The following CAST variants were observed in gnomAD, a reference collection of about 807,000 sequenced individuals.
CAST encodes the protein MIR583 host.
CAST carries 76 observed loss-of-function variants against 119.6 expected under a neutral mutation model. The observed-to-expected ratio is 0.64, with a 90% CI of 0.53 to 0.77. The LOEUF (loss-of-function observed/expected upper bound fraction) is 0.77. Among genes scored for constraint, CAST ranks in the 30% least tolerant of loss-of-function variants. The pLI is 0.00. For missense variants in CAST, 953 were observed against 946.5 expected, an observed-to-expected ratio of 1.01 and a Z score of -0.09; for synonymous variants, 319 against 331.6, an observed-to-expected ratio of 0.96 and a Z score of 0.41.
chr5:96,189,351 T>C, the CAST span, among the ~76,000 whole-genome samples: 1 of 152,222 alleles, frequency 6.6e-6, no homozygotes, highest in East Asian at 1.9e-4. Flanking sequence ...ATTTGATTGC[T>C]ATTTGGCTGG....
chr5:96,674,962 A>G (rs1750527513), intron 1 of CAST, among the ~76,000 whole-genome samples: 1 of 152,236 alleles, frequency 6.6e-6, no homozygotes, highest in African/African-American at 2.4e-5. Context: ...AAATAAAATA[A>G]CACTTTTAAA....
At chr5:96,537,859 TG>T (rs970515757) in intron 1 of CAST, among the ~76,000 whole-genome samples, 1 of 152,294 alleles carries the variant, frequency 6.6e-6, no homozygotes, top group African/African-American at 2.4e-5. Context: ...CTAATGTTTT[TG>T]AGGGGGGGAG....
chr5:96,300,479 C>T, the CAST span, among the ~76,000 whole-genome samples: 1 of 152,044 alleles, frequency 6.6e-6, no homozygotes, highest in African/African-American at 2.4e-5. Context: ...TATGCCGATA[C>T]CATGCTGTTT....
intron 1 of CAST, among the ~76,000 whole-genome samples, chr5:96,643,824 G>T (rs1434192216): frequency 6.6e-6 from 1 of 152,176 alleles, no homozygotes; most frequent in African/African-American, 2.4e-5. Context: ...AGTGAGCCCA[G>T]ATCATGACAC....
chr5:96,046,336 G>A, the CAST span, among the ~76,000 whole-genome samples: 1 of 152,102 alleles, frequency 6.6e-6, no homozygotes, highest in Non-Finnish European at 1.5e-5. Flanking sequence ...GAGAGATCTA[G>A]CACCAACCTA....
the CAST span, among the ~76,000 whole-genome samples, chr5:96,313,491 A>T: frequency 6.6e-6 from 1 of 152,180 alleles, no homozygotes; most frequent in Non-Finnish European, 1.5e-5. Flanking sequence ...AGATTCATCC[A>T]TGCTGTTGTG....
chr5:96,405,099 G>C, the CAST span, among the ~76,000 whole-genome samples: 3 of 152,156 alleles, frequency 2.0e-5, no homozygotes, highest in Non-Finnish European at 4.4e-5. Context: ...CAATTGAATA[G>C]AGTTCAGAAA....
At chr5:96,613,447 C>T (rs1242047099) in intron 1 of CAST, among the ~76,000 whole-genome samples, 1 of 152,066 alleles carries the variant, frequency 6.6e-6, no homozygotes, top group Non-Finnish European at 1.5e-5. Flanking sequence ...TTTGTGCTAT[C>T]TGTATTTTCT....
chr5:96,175,799 T>C, the CAST span, among the ~76,000 whole-genome samples: 1 of 152,228 alleles, frequency 6.6e-6, no homozygotes, highest in Non-Finnish European at 1.5e-5. Context: ...TATGTGTTAG[T>C]TTGCTCAAAC....
the CAST span, among the ~76,000 whole-genome samples, chr5:96,270,621 C>A: frequency 6.6e-6 from 1 of 152,136 alleles, no homozygotes; most frequent in South Asian, 2.1e-4. Flanking sequence ...AAACCAAACA[C>A]CACATGTTCT....
At chr5:96,188,939 T>C in the CAST span, among the ~76,000 whole-genome samples, 2 of 152,236 alleles carry the variant, frequency 1.3e-5, no homozygotes, top group Admixed American at 6.5e-5. Context: ...ACTTATGTTT[T>C]TGTACACTAA....
At chr5:96,525,313 G>A (rs949980062), upstream of CAST, 3 of 152,106 alleles carry the variant, frequency 2.0e-5, no homozygotes, top group African/African-American at 7.2e-5. Context: ...CTCTCCATTG[G>A]CTCTCATGAT....
intron 1 of CAST, among the ~76,000 whole-genome samples, chr5:96,651,014 G>A (rs1478770219): frequency 6.6e-6 from 1 of 152,060 alleles, no homozygotes; most frequent in African/African-American, 2.4e-5. Flanking sequence ...AATTGAAGTT[G>A]GATAATAGTG....
upstream of CAST, among the ~76,000 whole-genome samples, chr5:96,523,148 T>C (rs1253046337): frequency 1.3e-5 from 2 of 152,226 alleles, no homozygotes; most frequent in Admixed American, 6.5e-5. Context: ...CTCAGCCTCC[T>C]GTTGCCTTGA....
At chr5:96,633,989 G>C (rs1237605484) in intron 1 of CAST, among the ~76,000 whole-genome samples, 1 of 152,118 alleles carries the variant, frequency 6.6e-6, no homozygotes. Flanking sequence ...TCCCAAAACT[G>C]TTTTGCAAAT....
At chr5:96,676,954 T>C (rs76665447) in intron 2 of CAST, among the ~76,000 whole-genome samples, 3,508 of 150,480 alleles carry the variant, frequency 0.023, 137 homozygotes, top group African/African-American at 0.081. Flanking sequence ...CTCTGGAAGC[T>C]GAGGCAGGAG....
chr5:96,015,588 A>AT, the CAST span, among the ~76,000 whole-genome samples: 1 of 152,162 alleles, frequency 6.6e-6, no homozygotes, highest in African/African-American at 2.4e-5. Context: ...AGATAAGGAA[A>AT]TTGAAGCTCA....
the CAST span, among the ~76,000 whole-genome samples, chr5:96,200,854 G>T: frequency 6.6e-6 from 1 of 152,164 alleles, no homozygotes; most frequent in East Asian, 1.9e-4. Context: ...AATAAATGTT[G>T]GCCAGCAGCC....
the CAST span, among the ~76,000 whole-genome samples, chr5:96,268,907 G>T: frequency 6.6e-6 from 1 of 152,150 alleles, no homozygotes. Flanking sequence ...CATGGCAGCA[G>T]TTTCCCCCAA....
Sources: allele counts gnomAD v4.1 joint callset (sites outside exome capture counted in the v4.1 genomes callset), GRCh38; gene constraint gnomAD v4.1.1; transcripts MANE v1.5; gene names NCBI Gene and HGNC (gene_info 2026-07-23, HGNC 2026-07-21).